Variants in FXR2 observed in about 807,000 individuals in gnomAD.
FXR2 encodes FMR1 autosomal homolog 2.
A neutral mutation model predicts 87.3 loss-of-function variants in FXR2; 9 were observed. That is an observed-to-expected ratio of 0.10 (90% CI 0.06 to 0.18). The LOEUF is 0.18. Among genes scored for constraint, FXR2 ranks in the 10% least tolerant of loss-of-function variants. FXR2 has a pLI of 1.00. For missense variants in FXR2, 661 were observed against 893.6 expected, an observed-to-expected ratio of 0.74 and a Z score of 3.32; for synonymous variants, 331 against 328.3, an observed-to-expected ratio of 1.01 and a Z score of -0.09.
At position 7,604,155 on chromosome 17, in the gene FXR2, C is replaced by A. The variant is rs900021258; in HGVS notation, c.229-75G>T. 2.7e-6 allele frequency: 3 copies of A among 1,106,282 alleles called. No individual in the cohort carries two copies. The African/African-American group carries it at 4.6e-5, about 17-fold the overall frequency. The allele number at this position is 1,106,282 out of a possible 1,614,324, so 68.5% of individuals were successfully genotyped here. A position where few individuals can be genotyped will look rare whatever the true frequency, so the allele number is the denominator to read the frequency against. ...TCAAGAAAGGGATGAGGAGGCCGGGCATGGTGGGGCTCACACCTGTAATCT... is the reference window on the plus strand; with the variant it reads ...TCAAGAAAGGGATGAGGAGGCCGGGAATGGTGGGGCTCACACCTGTAATCT... On this transcript the variant is annotated intron_variant, in intron 3 of 16. Coordinates refer to ENST00000250113, the MANE Select transcript of FXR2 (RefSeq NM_004860.4).
rs368881021 is a variant in FXR2, at chr17:7,593,602, C to T, written c.1131G>A (p.Glu377=). The part of the protein sequence containing the change: ...YLQEVEQLRL[E]RLQIDEQLRQ... Reference sequence around the variant, plus strand: ...GAAGCTGCTCATCAATTTGTAGCCTCTCCAAGCGAAGCTGCTCTACCTCCT... The same window carrying T: ...GAAGCTGCTCATCAATTTGTAGCCTTTCCAAGCGAAGCTGCTCTACCTCCT... Residue 377 remains glutamate (E), a synonymous_variant, in exon 12 of 17, where the codon GAG becomes GAA. Transcript: ENST00000250113. The surrounding 1 kb of genome is among the most constrained non-coding windows in gnomAD (Gnocchi z 6.1). The T allele has an allele frequency of 6.3e-7, 1 of 1,592,136 alleles. No individual in the cohort carries two copies. The highest frequency in any genetic ancestry group is 8.5e-7 in the Non-Finnish European group (1 of 1,170,522).
intron 1 of FXR2, among the ~76,000 whole-genome samples, chr17:7,611,573 C>A (rs1197808439): frequency 6.6e-6 from 1 of 152,068 alleles, no homozygotes; most frequent in Non-Finnish European, 1.5e-5. Context: ...GAGGCTGAGG[C>A]ACAAGAATCA....
rs1252559455 is a variant in FXR2, at chr17:7,594,419, C to CT, written c.911-73dup. On this transcript the variant is annotated intron_variant, in intron 9 of 16. Coordinates refer to ENST00000250113, the MANE Select transcript of FXR2 (RefSeq NM_004860.4). This position sits in a 1 kb window ranked among gnomAD's most constrained non-coding sequence, Gnocchi z 5.1. ...AATAAGAATAAAGCTGATACACCGTCTTCCAGCCTCATTTTCTTTATATGG... is the reference window on the plus strand; with the variant it reads ...AATAAGAATAAAGCTGATACACCGTCTTTCCAGCCTCATTTTCTTTATATGG... The CT allele has an allele frequency of 1.9e-5, 17 of 906,800 alleles. No homozygotes were observed. Among genetic ancestry groups the CT allele is most frequent in the Non-Finnish European group, 2.5e-5 (14 of 567,192 alleles). 56.2% of individuals were successfully genotyped at this position (906,800 alleles called of 1,614,324 possible). A position where few individuals can be genotyped will look rare whatever the true frequency, so the allele number is the denominator to read the frequency against.
Position 7,593,828 on chromosome 17 carries a change from C to A in FXR2, c.1107+90G>T. The A allele has an allele frequency of 1.1e-6, 1 of 944,120 alleles. No homozygotes were observed. Among genetic ancestry groups the A allele is most frequent in the Non-Finnish European group, 1.7e-6 (1 of 582,632 alleles). 58.5% of individuals were successfully genotyped at this position (944,120 alleles called of 1,614,324 possible). A position where few individuals can be genotyped will look rare whatever the true frequency, so the allele number is the denominator to read the frequency against. On this transcript the variant is annotated intron_variant, in intron 11 of 16. Transcript: ENST00000250113. This position sits in a 1 kb window ranked among gnomAD's most constrained non-coding sequence, Gnocchi z 6.1. ...ATGTTTTCTGTTCTACACGGAGAGA[C>A]AAACAGAGAACCAAAATCCCTGAGC...
At chr17:7,596,290 T>G (rs1262822217) in intron 7 of FXR2, 1 of 243,094 alleles carries the variant, frequency 4.1e-6, no homozygotes, top group Non-Finnish European at 8.1e-6. Context: ...CCTGAGTAGC[T>G]ACGACTACAG....
At chr17:7,602,302 A>G (rs2150944302) in intron 6 of FXR2, among the ~76,000 whole-genome samples, 1 of 152,244 alleles carries the variant, frequency 6.6e-6, no homozygotes, top group Middle Eastern at 3.4e-3. Flanking sequence ...GCGGTGGCTC[A>G]CGTCTGTAAT....
At chr17:7,601,343 G>A (rs2071754288) in intron 7 of FXR2, 66 bp downstream of exon 7, 3 of 881,708 alleles carry the variant, frequency 3.4e-6, no homozygotes, top group Admixed American at 1.7e-5. Flanking sequence ...GATCATGGAT[G>A]GAGGACAGGG....
chr17:7,612,711 CAA>C (rs2071878381), intron 1 of FXR2, among the ~76,000 whole-genome samples: 1 of 151,950 alleles, frequency 6.6e-6, no homozygotes, highest in African/African-American at 2.4e-5. Context: ...AAAATGACTA[CAA>C]TGGCCGGGCG....
In FXR2 at chr17:7,614,660, G is replaced by A; in HGVS notation, c.-128C>T. The stretch of plus-strand genomic sequence containing the variant: ...GGGAGCCGCGGGGGGCGGGAGCCGG[G>A]CCGGCCCCACGGCGGCCCTGCCACA... On this transcript the variant is annotated 5_prime_UTR_variant, in exon 1 of 17. Coordinates refer to ENST00000250113, the MANE Select transcript of FXR2 (RefSeq NM_004860.4). 1 of 445,050 alleles carries A rather than the reference G, an allele frequency of 2.2e-6. No individual in the cohort carries two copies. Among genetic ancestry groups the A allele is most frequent in the Non-Finnish European group, 3.6e-6 (1 of 279,974 alleles). The allele number at this position is 445,050 out of a possible 1,614,324, so 27.6% of individuals were successfully genotyped here.
intron 7 of FXR2, 148 bp downstream of exon 7, chr17:7,601,261 A>G (rs1027044635): frequency 1.7e-6 from 1 of 576,022 alleles, no homozygotes; most frequent in Non-Finnish European, 3.2e-6. Flanking sequence ...CATCTGGAGG[A>G]GTCTGAGATA....
At chr17:7,596,616 A>G (rs535801567) in intron 7 of FXR2, 2 of 152,406 alleles carry the variant, frequency 1.3e-5, no homozygotes, top group South Asian at 2.1e-4. Flanking sequence ...ATCTTAAACA[A>G]AACATACTCT....
At chr17:7,608,491 G>C (rs2071822890) in intron 1 of FXR2, among the ~76,000 whole-genome samples, 1 of 150,866 alleles carries the variant, frequency 6.6e-6, no homozygotes, top group African/African-American at 2.4e-5. Context: ...GTGGCACATG[G>C]CTGTAACCTC....
chr17:7,605,846 A>C, intron 2 of FXR2, 108 bp from the exon 3 acceptor site: 1 of 728,242 alleles, frequency 1.4e-6, no homozygotes, highest in South Asian at 1.6e-5. Flanking sequence ...TATCTGGATA[A>C]TTAGAGGCTA....
intron 6 of FXR2, among the ~76,000 whole-genome samples, chr17:7,601,842 G>A (rs531551378): frequency 6.6e-5 from 10 of 151,990 alleles, no homozygotes; most frequent in African/African-American, 2.4e-4. Context: ...CAGGAGAATC[G>A]CTTGAACCCG....
In FXR2 at chr17:7,592,805, G is replaced by A. The variant is rs779592847; in HGVS notation, c.1618C>T (p.Pro540Ser). 2 of 1,613,584 alleles carry A rather than the reference G, an allele frequency of 1.2e-6. No individual in the cohort carries two copies. Among genetic ancestry groups the A allele is most frequent in the South Asian group, 2.2e-5 (2 of 91,032 alleles). Residue 540 changes from proline to serine, a missense_variant, in exon 14 of 17, where the codon CCA (proline) becomes TCA (serine). Physicochemically the swap from Pro to Ser is moderately conservative, Grantham distance 74 (BLOSUM62 -1). Around this residue, in one of 3 missense-constraint regions of FXR2, gnomAD observed 409 missense variants for 432.0 expected, o/e 0.95. Transcript: ENST00000250113. The surrounding 1 kb of genome is among the most constrained non-coding windows in gnomAD (Gnocchi z 4.8). ...PVDSEPGEPP[P>S]ASARRRRSRR... ...GAGCGGCGGCGCCTGGCACTTGCTG[G>A]GGGGGGTTCCCCAGGTTCTGAATCA...
rs759232978 is a variant in FXR2, at chr17:7,592,579, G to T, written c.1750C>A (p.Arg584Ser). ...NGLEDESRPQRRNRSRRRRNR... is the reference protein window; with the variant it reads ...NGLEDESRPQSRNRSRRRRNR... ...CGGCGGCGGCGGCTGCGATTACGAC[G>T]TTGAGGTCTTGATTCATCTTCTGTA... is the stretch of plus-strand genomic sequence containing the variant. The change falls in exon 15 of 17, where the codon CGT becomes AGT. Residue 584 changes from arginine (R) to serine (S), a missense_variant. By Grantham distance (110) the Arg-to-Ser change is moderately radical. Coordinates refer to ENST00000250113, the MANE Select transcript of FXR2 (RefSeq NM_004860.4). The surrounding 1 kb of genome is among the most constrained non-coding windows in gnomAD (Gnocchi z 4.8). 8.7e-6 allele frequency: 14 copies of T among 1,612,832 alleles called. No individual in the cohort carries two copies. The highest frequency in any genetic ancestry group is 1.2e-5 in the Non-Finnish European group (14 of 1,179,560).
chr17:7,594,362 T>C lies in FXR2; in HGVS notation c.911-15A>G, dbSNP rs2071691200. On this transcript the variant is annotated splice_polypyrimidine_tract_variant and intron_variant, in intron 9 of 16. Transcript: ENST00000250113. The surrounding 1 kb of genome is among the most constrained non-coding windows in gnomAD (Gnocchi z 5.1). ...AATCACTTTGCCTGGAATAGGTAAA[T>C]GAGGAATTCAGCCTTTTATTTTTTT... 1.4e-6 allele frequency: 2 copies of C among 1,471,614 alleles called. No individual in the cohort carries two copies. Among genetic ancestry groups the C allele is most frequent in the East Asian group, 2.3e-5 (1 of 44,182 alleles). 91.2% of individuals were successfully genotyped at this position (1,471,614 alleles called of 1,614,324 possible). A position where few individuals can be genotyped will look rare whatever the true frequency, so the allele number is the denominator to read the frequency against.
chr17:7,601,721 G>A (rs2071757701), intron 6 of FXR2, among the ~76,000 whole-genome samples, 196 bp from the exon 7 acceptor site: 1 of 152,110 alleles, frequency 6.6e-6, no homozygotes, highest in African/African-American at 2.4e-5. Context: ...GAGGTCATGA[G>A]ATCGAGACCA....
intron 7 of FXR2, among the ~76,000 whole-genome samples, chr17:7,598,573 T>G (rs575267434): frequency 2.0e-5 from 3 of 152,202 alleles, no homozygotes; most frequent in Non-Finnish European, 4.4e-5. Context: ...TCTTACATGA[T>G]CTACTCTCTG....
Sources: gnomAD v4.1 joint callset for allele counts (sites outside exome capture counted in the v4.1 genomes callset) on GRCh38, gnomAD v4.1.1 for gene constraint, gnomAD v4.1.1 regional missense constraint, Gnocchi (gnomAD v3.1) non-coding constraint, MANE v1.5 for transcripts, NCBI Gene and HGNC (gene_info 2026-07-23, HGNC 2026-07-21) for gene names.